The following FAT3 variants were observed in gnomAD, a reference collection of about 807,000 sequenced individuals.
The protein encoded by FAT3 is protocadherin Fat 3.
In FAT3, 95 loss-of-function variants were observed where a neutral mutation model predicts 310.2. The observed-to-expected ratio is 0.31, with a 90% confidence interval of 0.26 to 0.36. The LOEUF is 0.36. Among genes scored for constraint, FAT3 ranks in the 10% least tolerant of loss-of-function variants. The pLI, the probability that FAT3 is intolerant of heterozygous loss-of-function variation, is 1.00. For synonymous variants in FAT3, 2,314 were observed against 2,192.9 expected (o/e 1.06, Z -1.54); for missense variants, 5,408 against 5,715.6 (o/e 0.95, Z 1.74).
At chr11:92,622,156 C>T (rs894348672) in intron 3 of FAT3, among the ~76,000 whole-genome samples, 3 of 151,852 alleles carry the variant, frequency 2.0e-5, no homozygotes, top group African/African-American at 7.3e-5. Context: ...CATGGTGGTG[C>T]GCCTGTAATC....
chr11:92,754,396 C>T (rs374369400), intron 4 of FAT3, among the ~76,000 whole-genome samples: 3 of 151,470 alleles, frequency 2.0e-5, no homozygotes, highest in East Asian at 1.9e-4. Flanking sequence ...GAGGCCGAGG[C>T]GGGCGGATCA....
At chr11:92,871,350 C>T (rs1320795619) in intron 22 of FAT3, among the ~76,000 whole-genome samples, 1 of 152,102 alleles carries the variant, frequency 6.6e-6, no homozygotes, top group Non-Finnish European at 1.5e-5. Flanking sequence ...TTCCAGGGAC[C>T]AACAGCATTG....
chr11:92,396,381 A>G (rs16917494), intron 2 of FAT3, among the ~76,000 whole-genome samples: 2,037 of 152,258 alleles, frequency 0.013, 41 homozygotes, highest in African/African-American at 0.047. Context: ...TCTCATATAC[A>G]GGTGTTTTAT....
chr11:92,837,940 A>AG (rs1948447799), intron 17 of FAT3, 134 bp downstream of exon 17: 2 of 1,091,498 alleles, frequency 1.8e-6, no homozygotes, highest in Non-Finnish European at 2.7e-6. Flanking sequence ...GGTATGAAAA[A>AG]GAACCTAGTT....
At chr11:92,351,694 T>A (rs968204966) in intron 1 of FAT3, among the ~76,000 whole-genome samples, 5 of 152,142 alleles carry the variant, frequency 3.3e-5, no homozygotes, top group African/African-American at 1.2e-4. Context: ...AACTGTGCTA[T>A]AACAGATAAT....
At chr11:92,534,955 A>G (rs1226035213) in intron 3 of FAT3, among the ~76,000 whole-genome samples, 1 of 152,204 alleles carries the variant, frequency 6.6e-6, no homozygotes, top group African/African-American at 2.4e-5. Flanking sequence ...AAGAGCGTAT[A>G]TCCTAATGGT....
Position 92,840,772 on chromosome 11 carries a change from A to T in FAT3, c.10566+13A>T. On this transcript the variant is annotated intron_variant, in intron 18 of 27. Transcript: ENST00000525166. ...GTTGTGTGTCCAGGTATGGCATCGC[A>T]CTCTGTCTCCGTCGTGCTGTCTTTC... 6.5e-7 allele frequency: 1 copy of T among 1,538,260 alleles called. No homozygotes were observed. The highest frequency in any genetic ancestry group is 8.9e-7 in the Non-Finnish European group (1 of 1,129,088).
chr11:92,390,829 G>A (rs1307791753), intron 2 of FAT3, among the ~76,000 whole-genome samples: 1 of 152,156 alleles, frequency 6.6e-6, no homozygotes, highest in Admixed American at 6.5e-5. Flanking sequence ...TGGGAGCAGG[G>A]TGAGCAAAAA....
chr11:92,578,738 A>C, intron 3 of FAT3, among the ~76,000 whole-genome samples: 1 of 152,146 alleles, frequency 6.6e-6, no homozygotes, highest in Admixed American at 6.6e-5. Context: ...TTATAAAATA[A>C]GGGGTAATAA....
intron 1 of FAT3, among the ~76,000 whole-genome samples, chr11:92,341,090 C>T (rs1948248487): frequency 6.6e-6 from 1 of 152,176 alleles, no homozygotes; most frequent in African/African-American, 2.4e-5. Flanking sequence ...GGGATAGTAA[C>T]CCTGTCCTGG....
chr11:92,666,178 A>G (rs978841158), intron 3 of FAT3, among the ~76,000 whole-genome samples: 4 of 152,356 alleles, frequency 2.6e-5, no homozygotes, highest in Admixed American at 2.6e-4. Flanking sequence ...GGGTTCAGTT[A>G]TAAAAGTAGT....
intron 4 of FAT3, among the ~76,000 whole-genome samples, chr11:92,720,384 T>C (rs1012730820): frequency 2.8e-4 from 42 of 152,340 alleles, no homozygotes; most frequent in African/African-American, 9.9e-4. Context: ...TAATTTAAAA[T>C]GCTTTAAAAA....
intron 1 of FAT3, among the ~76,000 whole-genome samples, chr11:92,339,101 C>T (rs140894955): frequency 6.6e-6 from 1 of 152,124 alleles, no homozygotes; most frequent in East Asian, 1.9e-4. Flanking sequence ...CTATCCTTCC[C>T]AATATAGTTG....
In FAT3 at chr11:92,895,804, A is replaced by G. The variant is rs1950016190; in HGVS notation, c.*4691A>G. ...ATAAAATTGTATATAAATGGTTTCA[A>G]TTTTCCAGGCTTTTGTAGATACTAT... On this transcript the variant is annotated 3_prime_UTR_variant, in exon 28 of 28. Coordinates refer to ENST00000525166, the MANE Select transcript of FAT3 (RefSeq NM_001367949.2). The G allele has an allele frequency of 6.6e-6, 1 of 152,028 alleles. No homozygotes were observed. Among genetic ancestry groups the G allele is most frequent in the Non-Finnish European group, 1.5e-5 (1 of 67,996 alleles). 9.4% of individuals were successfully genotyped at this position (152,028 alleles called of 1,614,324 possible).
chr11:92,364,973 TA>T (rs1383611679), intron 2 of FAT3, among the ~76,000 whole-genome samples: 3 of 152,106 alleles, frequency 2.0e-5, no homozygotes, highest in Non-Finnish European at 4.4e-5. Flanking sequence ...AGAATTAAAA[TA>T]AAAGGCCAAG....
rs926543672 is a variant in FAT3 at position 92,631,640 on chromosome 11, G to A, written c.3608-65744G>A. Among the ~76,000 whole-genome samples, 3 of 152,258 alleles carry A rather than the reference G, an allele frequency of 2.0e-5. No homozygotes were observed. The South Asian group carries it at 6.2e-4, about 32-fold the overall frequency. On this transcript the variant is annotated intron_variant, in intron 3 of 27. Transcript: ENST00000525166. Reference sequence around the variant, plus strand: ...GGTCTCCCCAGCCATGCAGAACTGTGAGTCAATTAAACCCGTTTTCTTTAT... The same window carrying A: ...GGTCTCCCCAGCCATGCAGAACTGTAAGTCAATTAAACCCGTTTTCTTTAT...
At chr11:92,711,015 A>G (rs1944502949) in intron 4 of FAT3, among the ~76,000 whole-genome samples, 1 of 152,234 alleles carries the variant, frequency 6.6e-6, no homozygotes, top group African/African-American at 2.4e-5. Context: ...CATATATGAT[A>G]CATGTTCATT....
intron 2 of FAT3, among the ~76,000 whole-genome samples, chr11:92,435,031 A>G (rs1445382212): frequency 2.0e-5 from 3 of 152,164 alleles, no homozygotes; most frequent in South Asian, 2.1e-4. Flanking sequence ...CAGGCTGGGC[A>G]GAAAAACCAC....
At chr11:92,367,013 G>GCCACATCTGATCAATTA (rs1298861782) in intron 2 of FAT3, 2 of 516,502 alleles carry the variant, frequency 3.9e-6, no homozygotes, top group Non-Finnish European at 7.7e-6. Context: ...CTCATTACTG[G>GCCACATCTGATCAATTA]CAGCCACATC....
Sources: allele counts gnomAD v4.1 joint callset (sites outside exome capture counted in the v4.1 genomes callset), GRCh38; gene constraint gnomAD v4.1.1; transcripts MANE v1.5; gene names NCBI Gene and HGNC (gene_info 2026-07-23, HGNC 2026-07-21).